LONRF1: variants seen among roughly 807,000 people sequenced by gnomAD.
LONRF1 encodes LON peptidase N-terminal domain and ring finger 1, also known as LON peptidase N-terminal domain and RING finger protein 1.
A neutral mutation model predicts 85.8 loss-of-function variants in LONRF1; 37 were observed. The observed-to-expected ratio is 0.43, with a 90% CI of 0.33 to 0.57. The LOEUF is 0.57. Ranked by LOEUF, LONRF1 falls within the 20% of genes least tolerant of loss-of-function variation. The pLI, the probability that LONRF1 is intolerant of heterozygous loss-of-function variation, is 0.04. For synonymous variants in LONRF1, 517 were observed against 390.1 expected (o/e 1.33, Z -3.83); for missense variants, 1,036 against 978.0 (o/e 1.06, Z -0.79).
intron 1 of LONRF1, chr8:12,754,451 C>A (rs1799545610): frequency 8.4e-6 from 3 of 356,806 alleles, no homozygotes; most frequent in Non-Finnish European, 1.4e-5. Flanking sequence ...CCGAGGGAAC[C>A]CCGCGCCGAG....
intron 11 of LONRF1, among the ~76,000 whole-genome samples, chr8:12,724,506 C>T (rs1277773336): frequency 6.6e-6 from 1 of 152,158 alleles, no homozygotes; most frequent in African/African-American, 2.4e-5. Flanking sequence ...GCTCTCCCAA[C>T]TACTATACAA....
At chr8:12,723,637 A>G (rs1311761449) in intron 11 of LONRF1, among the ~76,000 whole-genome samples, 2 of 152,216 alleles carry the variant, frequency 1.3e-5, no homozygotes, top group African/African-American at 4.8e-5. Context: ...AGCACCTCTG[A>G]TCTCTATCCA....
chr8:12,726,815 T>A (rs887584382), intron 10 of LONRF1, among the ~76,000 whole-genome samples: 3 of 152,148 alleles, frequency 2.0e-5, no homozygotes, highest in Non-Finnish European at 2.9e-5. Context: ...AAAATAAGAC[T>A]ACAGCACACC....
intron 1 of LONRF1, chr8:12,753,323 T>C (rs1799484770): frequency 6.6e-6 from 1 of 152,216 alleles, no homozygotes; most frequent in Non-Finnish European, 1.5e-5. Flanking sequence ...TCCTTTCAGT[T>C]ACACAGTCTA....
At chr8:12,747,327 G>C (rs1363595123) in intron 1 of LONRF1, among the ~76,000 whole-genome samples, 1 of 152,026 alleles carries the variant, frequency 6.6e-6, no homozygotes, top group African/African-American at 2.4e-5. Context: ...AGAGATCCAT[G>C]GTTAGTAACA....
intron 8 of LONRF1, 36 bp from the exon 9 acceptor site, chr8:12,729,368 C>A (rs1035298798): frequency 1.9e-6 from 3 of 1,596,836 alleles, no homozygotes; most frequent in Non-Finnish European, 1.7e-6. Context: ...AGAATTCATA[C>A]AAGAAAAATA....
intron 8 of LONRF1, among the ~76,000 whole-genome samples, chr8:12,731,183 C>T (rs1798515344): frequency 6.6e-6 from 1 of 152,074 alleles, no homozygotes; most frequent in African/African-American, 2.4e-5. Context: ...CCTGCCTTAC[C>T]GAATCCCAAA....
intron 1 of LONRF1, among the ~76,000 whole-genome samples, chr8:12,751,308 T>TTTTTTTTTTTTTG (rs1799390604): frequency 7.4e-6 from 1 of 134,636 alleles, no homozygotes; most frequent in Non-Finnish European, 1.6e-5. Flanking sequence ...TTTTTTTTTT[T>TTTTTTTTTTTTTG]TTTTTTTTTT....
intron 10 of LONRF1, among the ~76,000 whole-genome samples, chr8:12,726,294 G>C (rs73202629): frequency 0.062 from 9,389 of 152,338 alleles, 422 homozygotes; most frequent in Non-Finnish European, 0.091. Flanking sequence ...TAAGTAGTTA[G>C]GGTGTAGATG....
intron 2 of LONRF1, 123 bp downstream of exon 2, chr8:12,743,041 G>C: frequency 4.4e-6 from 3 of 687,232 alleles, no homozygotes; most frequent in Non-Finnish European, 7.8e-6. Flanking sequence ...TATATTTCTA[G>C]AGCACTAGAT....
intron 1 of LONRF1, among the ~76,000 whole-genome samples, chr8:12,745,907 T>C (rs1364027955): frequency 2.0e-5 from 3 of 152,224 alleles, no homozygotes; most frequent in Admixed American, 6.5e-5. Flanking sequence ...GTTGTCATGA[T>C]TTAACTCCCT....
At chr8:12,740,589 A>T (rs1455064296) in intron 3 of LONRF1, among the ~76,000 whole-genome samples, 1 of 152,220 alleles carries the variant, frequency 6.6e-6, no homozygotes, top group Non-Finnish European at 1.5e-5. Context: ...ACATCGTGAT[A>T]GTAATGCTTA....
At chr8:12,724,359 T>C (rs1806068977) in intron 11 of LONRF1, among the ~76,000 whole-genome samples, 1 of 152,174 alleles carries the variant, frequency 6.6e-6, no homozygotes, top group South Asian at 2.1e-4. Flanking sequence ...TGGTGCAGAC[T>C]TGCTGGGATT....
chr8:12,724,095 A>G (rs934777104), intron 11 of LONRF1, among the ~76,000 whole-genome samples: 5 of 152,154 alleles, frequency 3.3e-5, no homozygotes, highest in Admixed American at 1.3e-4. Context: ...TTCGGTTTCT[A>G]TATTTGTGTA....
At chr8:12,724,391 C>G (rs1416776882) in intron 11 of LONRF1, among the ~76,000 whole-genome samples, 3 of 152,162 alleles carry the variant, frequency 2.0e-5, no homozygotes, top group Non-Finnish European at 2.9e-5. Context: ...TAGCCACTTC[C>G]CCACTAGTTC....
chr8:12,730,353 T>A (rs17761606), intron 8 of LONRF1, among the ~76,000 whole-genome samples: 13,079 of 152,314 alleles, frequency 0.086, 740 homozygotes, highest in Non-Finnish European at 0.13. Context: ...AAAATGCCAA[T>A]AGTTGATTCC....
intron 1 of LONRF1, among the ~76,000 whole-genome samples, chr8:12,746,567 T>G (rs2117325544): frequency 6.6e-6 from 1 of 152,342 alleles, no homozygotes. Context: ...ACCCACTCAC[T>G]GTGACTTGGG....
At chr8:12,725,606 G>T (rs187219128) in intron 11 of LONRF1, 121 bp downstream of exon 11, 7 of 900,020 alleles carry the variant, frequency 7.8e-6, no homozygotes, top group Non-Finnish European at 1.2e-5. Flanking sequence ...GGGCTGGTGC[G>T]GGGGAGGGGA....
intron 11 of LONRF1, among the ~76,000 whole-genome samples, chr8:12,724,240 G>T (rs918493883): frequency 6.6e-6 from 1 of 152,198 alleles, no homozygotes; most frequent in South Asian, 2.1e-4. Flanking sequence ...GTTGGGTGTG[G>T]AAGCTGGAAG....
Sources: gnomAD v4.1 joint callset for allele counts (sites outside exome capture counted in the v4.1 genomes callset) on GRCh38, gnomAD v4.1.1 for gene constraint, MANE v1.5 for transcripts, NCBI Gene and HGNC (gene_info 2026-07-23, HGNC 2026-07-21) for gene names.